Variants in SCNN1D observed in about 807,000 individuals in gnomAD.
SCNN1D encodes the protein sodium channel epithelial 1 subunit delta.
Under a neutral mutation model 87.8 loss-of-function variants are expected in SCNN1D, and 104 were observed. The observed-to-expected ratio is 1.18, with a 90% CI of 1.01 to 1.39. The LOEUF (loss-of-function observed/expected upper bound fraction) is 1.39, where lower values mean the gene tolerates loss of function less well. Among genes scored for constraint, SCNN1D ranks in the 40% most tolerant of loss-of-function variants. The pLI, the probability that SCNN1D is intolerant of heterozygous loss-of-function variation, is 0.00. For missense variants in SCNN1D, 1,324 were observed against 1,093.9 expected, an observed-to-expected ratio of 1.21 and a Z score of -2.97; for synonymous variants, 628 against 481.2, an observed-to-expected ratio of 1.31 and a Z score of -3.99.
In SCNN1D at chr1:1,286,973, C is replaced by T. The variant is rs752178745; in HGVS notation, c.1117C>T (p.Leu373=). The T allele has an allele frequency of 8.7e-6, 14 of 1,610,822 alleles. No individual in the cohort carries two copies. In the South Asian group the frequency reaches 1.3e-4, roughly 15 times the overall value. The change falls in exon 8 of 18, where the codon CTG becomes TTG. Residue 373 remains leucine, a splice_region_variant and synonymous_variant. Transcript: ENST00000379116. The part of the protein sequence containing the change: ...SGSRVRVGFR[L]CNSTGGDCFY... ...CAGCCGGGTCAGAGTGGGGTTCAGACTGGTGAGTGTCCCAGCCGGGGCCTG... is the reference window on the plus strand; with the variant it reads ...CAGCCGGGTCAGAGTGGGGTTCAGATTGGTGAGTGTCCCAGCCGGGGCCTG...
Position 1,286,006 on chromosome 1 carries a change from G to A in SCNN1D, c.639G>A (p.Leu213=), listed in dbSNP as rs1640580639. 2 of 1,561,966 alleles carry A rather than the reference G, an allele frequency of 1.3e-6. No homozygotes were observed. Among genetic ancestry groups the A allele is most frequent in the Non-Finnish European group, 1.7e-6 (2 of 1,152,822 alleles). The change falls in exon 7 of 18, where the codon CTG becomes CTA. Residue 213 remains leucine (L), a synonymous_variant. Coordinates refer to ENST00000379116, the MANE Select transcript of SCNN1D (RefSeq NM_001130413.4). ...CCAAGGAGGGGCACCAGGAGGGGCTGGTGGAGCTGCCCGCCTCGTTCCGGG... is the reference window on the plus strand; with the variant it reads ...CCAAGGAGGGGCACCAGGAGGGGCTAGTGGAGCTGCCCGCCTCGTTCCGGG... ...PPPKEGHQEG[L]VELPASFREL...
chr1:1,281,895 C>A, intron 3 of SCNN1D: 1 of 567,398 alleles, frequency 1.8e-6, no homozygotes, highest in Non-Finnish European at 3.1e-6. Flanking sequence ...AGGCCACTCC[C>A]GGGGACACAG....
At chr1:1,291,180 C>T (rs762829592) in intron 17 of SCNN1D, 40 bp downstream of exon 17, 10 of 1,598,868 alleles carry the variant, frequency 6.3e-6, no homozygotes, top group East Asian at 2.3e-5. Context: ...GCGGGGGCAG[C>T]GACAGTGGCT....
chr1:1,281,317 C>CG lies in SCNN1D; in HGVS notation c.77+22dup. ...AAGGAGGTGAGCTCACAGCCATGCT[C>CG]GGTCAATGGGGCCTGGCCGTCTTTC... is the stretch of plus-strand genomic sequence containing the variant. On this transcript the variant is annotated intron_variant, in intron 2 of 17. Coordinates refer to ENST00000379116, the MANE Select transcript of SCNN1D (RefSeq NM_001130413.4). The CG allele has an allele frequency of 6.5e-7, 1 of 1,535,672 alleles. No individual in the cohort carries two copies. The highest frequency in any genetic ancestry group is 8.7e-7 in the Non-Finnish European group (1 of 1,146,680).
Position 1,287,496 on chromosome 1 carries a change from T to G in SCNN1D, c.1311-12T>G, listed in dbSNP as rs749815176. On this transcript the variant is annotated splice_polypyrimidine_tract_variant and intron_variant, in intron 9 of 17. Coordinates refer to ENST00000379116, the MANE Select transcript of SCNN1D (RefSeq NM_001130413.4). ...CCGACATTCAAGGTCTGAGCTTGGC[T>G]TCTCATTCCAGACAGTTCCGGACCT... The G allele has an allele frequency of 6.6e-7, 1 of 1,517,642 alleles. No individual in the cohort carries two copies. The highest frequency in any genetic ancestry group is 8.8e-7 in the Non-Finnish European group (1 of 1,131,592). The allele number at this position is 1,517,642 out of a possible 1,614,324, so 94.0% of individuals were successfully genotyped here.
chr1:1,281,605 G>A lies in SCNN1D; in HGVS notation c.272G>A (p.Gly91Glu). The stretch of plus-strand genomic sequence containing the variant: ...CTCTCTGGCCCGATACAGGGGTGTG[G>A]GACAGGTGACTGAACCTCAGCCCTT... ...CLLSGPIQGC[G>E]TGLGDSSMAF... Residue 91 changes from glycine (G) to glutamate (E), a missense_variant, in exon 3 of 18, where the codon GGG becomes GAG. Gly to Glu is a moderately conservative substitution (Grantham distance 98). Transcript: ENST00000379116. The A allele has an allele frequency of 6.5e-7, 1 of 1,535,334 alleles. No individual in the cohort carries two copies. The highest frequency in any genetic ancestry group is 8.7e-7 in the Non-Finnish European group (1 of 1,146,578).
rs778242258 is a variant in SCNN1D, at chr1:1,287,927, G to A, written c.1564-12G>A. Reference sequence around the variant, plus strand: ...AGGGCAGGGCCCATGGAACTGAAGCGTCCCCTCCCAGGACGAGGTGCACCG... The same window carrying A: ...AGGGCAGGGCCCATGGAACTGAAGCATCCCCTCCCAGGACGAGGTGCACCG... On this transcript the variant is annotated splice_polypyrimidine_tract_variant and intron_variant, in intron 11 of 17. Coordinates refer to ENST00000379116, the MANE Select transcript of SCNN1D (RefSeq NM_001130413.4). 63 of 1,536,778 alleles carry A rather than the reference G, an allele frequency of 4.1e-5. No individual in the cohort carries two copies. The highest frequency in any genetic ancestry group is 4.7e-5 in the Non-Finnish European group (54 of 1,138,200).
chr1:1,287,854 G>C lies in SCNN1D; in HGVS notation c.1563+18G>C. The C allele has an allele frequency of 1.3e-6, 2 of 1,523,822 alleles. No homozygotes were observed. Among genetic ancestry groups the C allele is most frequent in the South Asian group, 2.5e-5 (2 of 80,924 alleles). The allele number at this position is 1,523,822 out of a possible 1,614,324, so 94.4% of individuals were successfully genotyped here. ...TCCGAGAGGTGAGCTGGCCTCTGCA[G>C]CCAACCTCCGGCCCAGGCCTCCTGC... On this transcript the variant is annotated intron_variant, in intron 11 of 17. Transcript: ENST00000379116.
In SCNN1D at chr1:1,288,316, TCC is replaced by T. The variant is rs1000356415; in HGVS notation, c.1662+281_1662+282del. Among the ~76,000 whole-genome samples the T allele has an allele frequency of 5.6e-4, 44 of 77,914 alleles. 3 individuals carry two copies. Among genetic ancestry groups the T allele is most frequent in the Admixed American group, 9.0e-4 (6 of 6,684 alleles). The allele number at this position is 77,914 out of a possible 152,430, so 51.1% of individuals were successfully genotyped here. ...CGTCCCGTGTCTGCTCCGTCCCGTG[TCC>T]CTGCTCCGTCCCGTGTCTCTGCCCC... is the stretch of plus-strand genomic sequence containing the variant. On this transcript the variant is annotated intron_variant, in intron 12 of 17. Coordinates refer to ENST00000379116, the MANE Select transcript of SCNN1D (RefSeq NM_001130413.4).
chr1:1,287,013 T>G lies in SCNN1D; in HGVS notation c.1119+38T>G, dbSNP rs776292902. ...GCCGGGGCCTGCAGCCATCAGGGCCTTGAGCTGGGAGCACGGCCCTGCGCT... is the reference window on the plus strand; with the variant it reads ...GCCGGGGCCTGCAGCCATCAGGGCCGTGAGCTGGGAGCACGGCCCTGCGCT... On this transcript the variant is annotated intron_variant, in intron 8 of 17. Coordinates refer to ENST00000379116, the MANE Select transcript of SCNN1D (RefSeq NM_001130413.4). 4 of 1,596,438 alleles carry G rather than the reference T, an allele frequency of 2.5e-6. No homozygotes were observed. In the Admixed American group the frequency reaches 5.1e-5, roughly 20 times the overall value.
intron 5 of SCNN1D, among the ~76,000 whole-genome samples, chr1:1,284,680 G>A (rs1271669304): frequency 6.6e-6 from 1 of 152,038 alleles, no homozygotes; most frequent in Non-Finnish European, 1.5e-5. Context: ...AGCGTGTGCT[G>A]GACAGACCCC....
rs1238653787 is a variant in SCNN1D, at chr1:1,285,614, G to A, written c.508G>A (p.Gly170Arg). The A allele has an allele frequency of 6.5e-7, 1 of 1,546,844 alleles. No individual in the cohort carries two copies. The highest frequency in any genetic ancestry group is 2.0e-5 in the Admixed American group (1 of 50,412). Residue 170 changes from glycine (G) to arginine (R), a missense_variant, in exon 6 of 18, where the codon GGA becomes AGA. By Grantham distance (125) the Gly-to-Arg change is moderately radical. Transcript: ENST00000379116. ...VAPQRPCHLK[G>R]WQHRPTQHNA... ...TCCCCAGAGGCCCTGCCACCTGAAG[G>A]GATGGCAGCACAGACCCACTCAGCA... is the stretch of plus-strand genomic sequence containing the variant.
intron 12 of SCNN1D, among the ~76,000 whole-genome samples, chr1:1,290,070 C>T (rs1266080580): frequency 2.5e-5 from 3 of 121,320 alleles, no homozygotes; most frequent in Admixed American, 8.2e-5. Context: ...GTCTCTGCTC[C>T]GTCCCGTGTC....
Position 1,288,029 on chromosome 1 carries a change from A to G in SCNN1D, c.1654A>G (p.Thr552Ala). ...EVELLHNTSYTRQACLVSCFQ... is the reference protein window; with the variant it reads ...EVELLHNTSYARQACLVSCFQ... ...GGAGCTGCTACACAACACCTCCTAC[A>G]CCAGGCAGGTGAGGCTGGGCTGGCA... The change falls in exon 12 of 18, where the codon ACC becomes GCC. Residue 552 changes from threonine to alanine, a missense_variant. Transcript: ENST00000379116. 4 of 1,373,320 alleles carry G rather than the reference A, an allele frequency of 2.9e-6. No homozygotes were observed. The highest frequency in any genetic ancestry group is 3.9e-6 in the Non-Finnish European group (4 of 1,033,962). 85.1% of individuals were successfully genotyped at this position (1,373,320 alleles called of 1,614,324 possible).
In SCNN1D at chr1:1,283,965, C is replaced by T. The variant is rs1446136622; in HGVS notation, c.352-13C>T. ...CAGCACAGTCCCACGCCCAGCCAGC[C>T]TGTTTTAAATAGGAGGCCAGAGGCT... is the stretch of plus-strand genomic sequence containing the variant. On this transcript the variant is annotated splice_polypyrimidine_tract_variant and intron_variant, in intron 4 of 17. Transcript: ENST00000379116. The T allele has an allele frequency of 6.9e-7, 1 of 1,444,366 alleles. No individual in the cohort carries two copies. The highest frequency in any genetic ancestry group is 1.5e-5 in the African/African-American group (1 of 65,506). The allele number at this position is 1,444,366 out of a possible 1,614,324, so 89.5% of individuals were successfully genotyped here.
At chr1:1,282,132 G>A (rs977496328) in intron 3 of SCNN1D, 110 bp from the exon 4 acceptor site, 6 of 686,882 alleles carry the variant, frequency 8.7e-6, no homozygotes, top group East Asian at 8.2e-5. Context: ...CCCCTGCCGC[G>A]AGCTTGGAGA....
intron 15 of SCNN1D, 38 bp downstream of exon 15, chr1:1,290,732 C>T: frequency 6.2e-7 from 1 of 1,608,720 alleles, no homozygotes; most frequent in Non-Finnish European, 8.5e-7. Flanking sequence ...GTGTGGACAG[C>T]CAGGCAGACC....
chr1:1,285,014 C>T (rs182694895), intron 5 of SCNN1D, among the ~76,000 whole-genome samples: 12 of 152,336 alleles, frequency 7.9e-5, no homozygotes, highest in Admixed American at 6.5e-5. Context: ...GTCACAAAGA[C>T]CCTTCCGAGC....
intron 1 of SCNN1D, chr1:1,280,936 G>A (rs556154435): frequency 3.3e-4 from 193 of 584,208 alleles, no homozygotes; most frequent in African/African-American, 2.8e-3. Flanking sequence ...CCTGTTCTGC[G>A]GAGGCTCCAC....
Sources: allele counts gnomAD v4.1 joint callset (sites outside exome capture counted in the v4.1 genomes callset), GRCh38; gene constraint gnomAD v4.1.1; transcripts MANE v1.5; gene names NCBI Gene and HGNC (gene_info 2026-07-23, HGNC 2026-07-21).